The following DUSP15 variants were observed in gnomAD, a reference collection of about 807,000 sequenced individuals.
DUSP15 encodes the protein dual specificity protein phosphatase 15.
DUSP15 carries 23 observed loss-of-function variants against 26.3 expected under a neutral mutation model. The observed-to-expected ratio is 0.87, with a 90% CI of 0.63 to 1.24. The LOEUF is 1.24. Among genes scored for constraint, DUSP15 ranks in the 50% most tolerant of loss-of-function variants. The probability of loss-of-function intolerance (pLI) is 0.00; values close to 1 mark genes in which losing one functional copy is unlikely to be tolerated. For synonymous variants in DUSP15, 143 were observed against 135.5 expected (o/e 1.06, Z -0.39); for missense variants, 364 against 320.6 (o/e 1.14, Z -1.03).
chr20:31,856,783 A>T (rs2062568665), downstream of DUSP15, among the ~76,000 whole-genome samples: 1 of 152,038 alleles, frequency 6.6e-6, no homozygotes, highest in African/African-American at 2.4e-5. Context: ...AGGCCACGGA[A>T]GGGGACAGTG....
chr20:31,870,451 G>T lies in DUSP15; in HGVS notation c.-114C>A, dbSNP rs531291010. ...GCCTGCAGCCTGGCGGGGAACGGGG[G>T]GCCTGGCGTCCGCGGCCCTGCCCAG... On this transcript the variant is annotated 5_prime_UTR_variant, in exon 1 of 7. Coordinates refer to ENST00000339738, the MANE Select transcript of DUSP15 (RefSeq NM_080611.5). The surrounding 1 kb of genome is among the most constrained non-coding windows in gnomAD (Gnocchi z 6.6). 1 of 1,287,316 alleles carries T rather than the reference G, an allele frequency of 7.8e-7. No individual in the cohort carries two copies. The highest frequency in any genetic ancestry group is 1.5e-5 in the African/African-American group (1 of 64,792). 79.7% of individuals were successfully genotyped at this position (1,287,316 alleles called of 1,614,324 possible).
intron 2 of DUSP15, among the ~76,000 whole-genome samples, 179 bp downstream of exon 2, chr20:31,869,385 G>A (rs1482438128): frequency 1.3e-5 from 2 of 152,192 alleles, no homozygotes; most frequent in Non-Finnish European, 1.5e-5. Flanking sequence ...TCAAGCCTGG[G>A]GACACTCGCC....
chr20:31,861,247 C>A lies in DUSP15; in HGVS notation c.*156G>T. On this transcript the variant is annotated 3_prime_UTR_variant, in exon 7 of 7. Coordinates refer to ENST00000339738, the MANE Select transcript of DUSP15 (RefSeq NM_080611.5). ...GAGACGCACAGGTTGGGGACGCTGA[C>A]TGCAGACGCGGACGAGCAGGGCGGG... The A allele has an allele frequency of 7.3e-7, 1 of 1,363,796 alleles. No homozygotes were observed. The highest frequency in any genetic ancestry group is 9.4e-7 in the Non-Finnish European group (1 of 1,065,356). The allele number at this position is 1,363,796 out of a possible 1,614,324, so 84.5% of individuals were successfully genotyped here.
downstream of DUSP15, among the ~76,000 whole-genome samples, chr20:31,846,582 GTGGTCTAC>G (rs2062381248): frequency 6.6e-6 from 1 of 152,222 alleles, no homozygotes; most frequent in African/African-American, 2.4e-5. Flanking sequence ...TCCCAGGCCT[GTGGTCTAC>G]TGCCTTCTCC....
At chr20:31,845,600 G>A (rs2062370509), downstream of DUSP15, 3 of 1,587,052 alleles carry the variant, frequency 1.9e-6, no homozygotes, top group South Asian at 2.2e-5. Flanking sequence ...TTCCAGGGCT[G>A]GCGTCCGGAA....
In DUSP15 at chr20:31,862,559, C is replaced by T; in HGVS notation, c.435+12G>A. On this transcript the variant is annotated intron_variant, in intron 6 of 6. Coordinates refer to ENST00000339738, the MANE Select transcript of DUSP15 (RefSeq NM_080611.5). ...ACCCCTGGCCCAACCCAGCCCTTGA[C>T]CCCATCCCTACCTTCTGGGAACTGG... 1 of 1,595,058 alleles carries T rather than the reference C, an allele frequency of 6.3e-7. No homozygotes were observed.
chr20:31,864,892 C>T (rs1374942815), intron 4 of DUSP15, 61 bp downstream of exon 4: 1 of 1,569,326 alleles, frequency 6.4e-7, no homozygotes, highest in Non-Finnish European at 8.8e-7. Flanking sequence ...AACCCCCTCC[C>T]CCTCCCCCAC....
chr20:31,848,768 G>A (rs1207403497), intron 9 of DUSP15: 1 of 1,584,984 alleles, frequency 6.3e-7, no homozygotes, highest in Non-Finnish European at 8.6e-7. Flanking sequence ...GGGGACTGGA[G>A]GGCGTGCTTC....
At chr20:31,852,905 T>G (rs1482056690) in intron 6 of DUSP15, among the ~76,000 whole-genome samples, 3 of 152,318 alleles carry the variant, frequency 2.0e-5, no homozygotes, top group East Asian at 1.9e-4. Context: ...AGTGGAATCG[T>G]TTCTTCCAGG....
chr20:31,859,606 T>C (rs1238683010), downstream of DUSP15, among the ~76,000 whole-genome samples: 1 of 152,222 alleles, frequency 6.6e-6, no homozygotes, highest in Admixed American at 6.5e-5. Flanking sequence ...TCTTGAAGGA[T>C]TGATCTGGAA....
chr20:31,867,422 T>C (rs1328037519), intron 2 of DUSP15, among the ~76,000 whole-genome samples: 5 of 152,208 alleles, frequency 3.3e-5, no homozygotes, highest in African/African-American at 1.2e-4. Flanking sequence ...CTAGGAATCT[T>C]GTCTACAGAA....
intron 1 of DUSP15, chr20:31,869,827 G>A: frequency 1.4e-6 from 2 of 1,428,246 alleles, no homozygotes; most frequent in Non-Finnish European, 9.2e-7. Context: ...ACCAAGGGAG[G>A]CCAGCTTGGG....
rs928482701 is a variant in DUSP15 at position 31,869,765 on chromosome 20, G to C, written c.22-168C>G. ...GGGCCCTGAGTCCTCTGTGAGAGGG[G>C]TCTGGGGCTCTGGGGAGGGTAGGCT... On this transcript the variant is annotated intron_variant, in intron 1 of 6. Transcript: ENST00000339738. 8.2e-6 allele frequency: 12 copies of C among 1,464,664 alleles called. No homozygotes were observed. In the African/African-American group the frequency reaches 1.6e-4, roughly 19 times the overall value. The allele number at this position is 1,464,664 out of a possible 1,614,324, so 90.7% of individuals were successfully genotyped here. A position where few individuals can be genotyped will look rare whatever the true frequency, so the allele number is the denominator to read the frequency against.
chr20:31,850,486 G>C (rs1342819426), intron 7 of DUSP15: 2 of 963,216 alleles, frequency 2.1e-6, no homozygotes, highest in Non-Finnish European at 1.6e-6. Flanking sequence ...AATGTTGACT[G>C]TTGTGGCTAT....
Position 31,861,082 on chromosome 20 carries a change from C to T in DUSP15, c.*321G>A, listed in dbSNP as rs560331706. 1.7e-6 allele frequency: 2 copies of T among 1,173,872 alleles called. No individual in the cohort carries two copies. Among genetic ancestry groups the T allele is most frequent in the Admixed American group, 4.7e-5 (1 of 21,390 alleles). The allele number at this position is 1,173,872 out of a possible 1,614,324, so 72.7% of individuals were successfully genotyped here. A position where few individuals can be genotyped will look rare whatever the true frequency, so the allele number is the denominator to read the frequency against. ...GAGGCACTCGGACAGGCAGCTTCTTCTGTGTCTCTTTAATACCCTCCAGGC... is the reference window on the plus strand; with the variant it reads ...GAGGCACTCGGACAGGCAGCTTCTTTTGTGTCTCTTTAATACCCTCCAGGC... On this transcript the variant is annotated 3_prime_UTR_variant, in exon 7 of 7. Transcript: ENST00000339738.
At chr20:31,868,975 C>A (rs2062841162) in intron 2 of DUSP15, among the ~76,000 whole-genome samples, 1 of 152,238 alleles carries the variant, frequency 6.6e-6, no homozygotes, top group Non-Finnish European at 1.5e-5. Context: ...GCCCCCCCAA[C>A]TTCCAGCTCT....
At chr20:31,869,463 C>G (rs372627123) in intron 2 of DUSP15, 101 bp downstream of exon 2, 9 of 1,498,754 alleles carry the variant, frequency 6.0e-6, no homozygotes, top group East Asian at 4.9e-5. Context: ...TCCCTGCCCC[C>G]AACCCCATTC....
intron 2 of DUSP15, among the ~76,000 whole-genome samples, chr20:31,867,896 T>C (rs556500906): frequency 3.6e-4 from 55 of 152,270 alleles, no homozygotes; most frequent in Admixed American, 3.5e-3. Context: ...CCGCCCGCCT[T>C]GGCCTCCCAA....
chr20:31,859,953 TTGGAGGTTACTGGCA>T (rs2062617883), downstream of DUSP15, among the ~76,000 whole-genome samples: 1 of 152,136 alleles, frequency 6.6e-6, no homozygotes, highest in Non-Finnish European at 1.5e-5. Context: ...CCTTCTGTTT[TTGGAGGTTACTGGCA>T]AGGAGGTTAC....
Sources: allele counts gnomAD v4.1 joint callset (sites outside exome capture counted in the v4.1 genomes callset), GRCh38; gene constraint gnomAD v4.1.1; non-coding constraint Gnocchi (gnomAD v3.1); transcripts MANE v1.5; gene names NCBI Gene and HGNC (gene_info 2026-07-23, HGNC 2026-07-21).